SLC4A4: variants seen among roughly 807,000 people sequenced by gnomAD.
SLC4A4 encodes electrogenic sodium bicarbonate cotransporter 1.
SLC4A4 carries 27 observed loss-of-function variants against 111.5 expected under a neutral mutation model. That is an observed-to-expected ratio of 0.24 (90% confidence interval 0.18 to 0.33). The LOEUF is 0.33. Among genes scored for constraint, SLC4A4 ranks in the 10% least tolerant of loss-of-function variants. The probability of loss-of-function intolerance (pLI) is 1.00; values close to 1 mark genes in which losing one functional copy is unlikely to be tolerated. For synonymous variants in SLC4A4, 443 were observed against 463.4 expected, an observed-to-expected ratio of 0.96 and a Z score of 0.57; for missense variants, 909 against 1,315.5, an observed-to-expected ratio of 0.69 and a Z score of 4.78.
intron 4 of SLC4A4, among the ~76,000 whole-genome samples, chr4:71,344,702 A>G (rs74956020): frequency 0.019 from 2,881 of 152,152 alleles, 52 homozygotes; most frequent in Non-Finnish European, 0.027. Context: ...TAAGACCTAT[A>G]CTTTTCAGTT....
In SLC4A4 at chr4:71,086,785, T is replaced by C. The variant is rs995949230; in HGVS notation, c.-64-5945T>C. 5.3e-5 allele frequency among the ~76,000 whole-genome samples: 8 copies of C among 152,110 alleles called. 1 individual carries two copies. Among genetic ancestry groups the C allele is most frequent in the African/African-American group, 1.9e-4 (8 of 41,334 alleles). On this transcript the variant is annotated intron_variant, in intron 1 of 26. Coordinates refer to the SLC4A4 transcript ENST00000649996. ...TGATCGTGGTAGATAAGCTTCTTGA[T>C]GGGCTGCTGGATTCGGTTTGCCAGT...
intron 16 of SLC4A4, among the ~76,000 whole-genome samples, chr4:71,527,565 G>C (rs771896775): frequency 2.0e-5 from 3 of 151,952 alleles, no homozygotes; most frequent in Non-Finnish European, 4.4e-5. Flanking sequence ...AGTTTGAGAT[G>C]CCTGGTAGTG....
chr4:71,432,621 C>A (rs980676731), intron 7 of SLC4A4, among the ~76,000 whole-genome samples: 1 of 151,882 alleles, frequency 6.6e-6, no homozygotes, highest in Non-Finnish European at 1.5e-5. Flanking sequence ...GATATATATA[C>A]CTTCTCTTTG....
At chr4:71,186,615 G>GC (rs901939289), upstream of SLC4A4, 5 of 151,518 alleles carry the variant, frequency 3.3e-5, no homozygotes, top group African/African-American at 1.2e-4. Context: ...GCGGCTCGAG[G>GC]CCCCTCCCCG....
chr4:71,380,324 A>G (rs1180125274), intron 6 of SLC4A4, among the ~76,000 whole-genome samples: 3 of 152,074 alleles, frequency 2.0e-5, no homozygotes, highest in South Asian at 4.1e-4. Flanking sequence ...AGCATCACTC[A>G]CTCCTTATTA....
intron 2 of SLC4A4, among the ~76,000 whole-genome samples, chr4:71,097,278 G>C (rs774907957): frequency 4.6e-5 from 7 of 152,070 alleles, no homozygotes; most frequent in Middle Eastern, 3.2e-3. Context: ...CGTGGTATTT[G>C]GTGTTTTTGT....
chr4:71,541,205 T>C (rs1391383084), intron 18 of SLC4A4, among the ~76,000 whole-genome samples: 2 of 152,136 alleles, frequency 1.3e-5, no homozygotes, highest in African/African-American at 4.8e-5. Context: ...GTTTAGTTTT[T>C]CATTCTAAGT....
At chr4:71,135,198 T>C (rs1479708079) in intron 2 of SLC4A4, among the ~76,000 whole-genome samples, 1 of 152,146 alleles carries the variant, frequency 6.6e-6, no homozygotes, top group Non-Finnish European at 1.5e-5. Flanking sequence ...ATGTACAATA[T>C]GATGTTTTGA....
chr4:71,071,883 T>C (rs550204230), intron 1 of SLC4A4, among the ~76,000 whole-genome samples: 2 of 152,332 alleles, frequency 1.3e-5, no homozygotes, highest in African/African-American at 4.8e-5. Flanking sequence ...TATGTGTCAA[T>C]AGATGTATGA....
Position 71,419,428 on chromosome 4 carries a change from G to A in SLC4A4, c.808-21188G>A, listed in dbSNP as rs539037205. 2.1e-3 allele frequency among the ~76,000 whole-genome samples: 318 copies of A among 152,324 alleles called. 1 individual carries two copies. The highest frequency in any genetic ancestry group is 7.0e-3 in the African/African-American group (292 of 41,582). On this transcript the variant is annotated intron_variant, in intron 7 of 25. Transcript: ENST00000264485. The stretch of plus-strand genomic sequence containing the variant: ...GCGCCCCTCCCCCAGCCTCACTGCC[G>A]CCTTGCAGTTTGATCTCAGACTGCT...
At chr4:71,516,598 G>A (rs1349560221) in intron 16 of SLC4A4, among the ~76,000 whole-genome samples, 1 of 152,194 alleles carries the variant, frequency 6.6e-6, no homozygotes, top group Non-Finnish European at 1.5e-5. Context: ...GCTAATGTCA[G>A]TGTTCATGTG....
chr4:71,367,818 A>G (rs1208611874), intron 6 of SLC4A4, among the ~76,000 whole-genome samples: 1 of 152,212 alleles, frequency 6.6e-6, no homozygotes, highest in Non-Finnish European at 1.5e-5. Flanking sequence ...ATTGACAAAA[A>G]TGTTTCTCGA....
At chr4:71,480,946 C>T (rs1008817558) in intron 14 of SLC4A4, among the ~76,000 whole-genome samples, 1 of 151,728 alleles carries the variant, frequency 6.6e-6, no homozygotes, top group African/African-American at 2.4e-5. Flanking sequence ...TGACATTCAT[C>T]CCAGGGACAA....
intron 6 of SLC4A4, among the ~76,000 whole-genome samples, chr4:71,375,286 T>G (rs1354177650): frequency 6.6e-6 from 1 of 152,178 alleles, no homozygotes; most frequent in African/African-American, 2.4e-5. Context: ...AATGCTTGAG[T>G]CTGGCATTCA....
In SLC4A4 at chr4:71,069,900, G is replaced by A. The variant is rs573552307; in HGVS notation, c.-65+7112G>A. ...TGAATAAAATTAGTTTTTTTTTAGA[G>A]TTGATATTATGCTTTCCAAATGTCT... On this transcript the variant is annotated intron_variant, in intron 1 of 26. Transcript: ENST00000649996. Among the ~76,000 whole-genome samples, 5 of 152,120 alleles carry A rather than the reference G, an allele frequency of 3.3e-5. No homozygotes were observed. In the East Asian group the frequency reaches 9.7e-4, roughly 29 times the overall value.
At position 71,372,046 on chromosome 4, in the gene SLC4A4, T is replaced by G. The variant is rs563563977; in HGVS notation, c.730+14859T>G. On this transcript the variant is annotated intron_variant, in intron 6 of 25. Coordinates refer to ENST00000264485, the MANE Select transcript of SLC4A4 (RefSeq NM_001098484.3). Reference sequence around the variant, plus strand: ...TATCAATTTATTCTAATTGTTAACATGGACTTAAAAAACTGCCAGAATATT... The same window carrying G: ...TATCAATTTATTCTAATTGTTAACAGGGACTTAAAAAACTGCCAGAATATT... 1.9e-4 allele frequency among the ~76,000 whole-genome samples: 29 copies of G among 152,360 alleles called. No homozygotes were observed. The East Asian group carries it at 5.4e-3, about 28-fold the overall frequency.
chr4:71,202,079 G>A (rs1400483409), intron 1 of SLC4A4, among the ~76,000 whole-genome samples: 3 of 152,040 alleles, frequency 2.0e-5, no homozygotes, highest in African/African-American at 7.3e-5. Context: ...TCGAAGTGTT[G>A]GTCTTCAACT....
chr4:71,332,727 C>G (rs369084895), intron 3 of SLC4A4, among the ~76,000 whole-genome samples: 2 of 152,196 alleles, frequency 1.3e-5, no homozygotes, highest in Admixed American at 1.3e-4. Context: ...CCACCGCGCC[C>G]GGCCGACTGT....
At chr4:71,547,018 G>C (rs943574302) in intron 19 of SLC4A4, among the ~76,000 whole-genome samples, 2 of 151,958 alleles carry the variant, frequency 1.3e-5, no homozygotes, top group African/African-American at 4.8e-5. Flanking sequence ...ACTCTGTTGA[G>C]CACTTTTTAC....
Sources: allele counts gnomAD v4.1 joint callset (sites outside exome capture counted in the v4.1 genomes callset), GRCh38; gene constraint gnomAD v4.1.1; transcripts MANE v1.5; gene names NCBI Gene and HGNC (gene_info 2026-07-23, HGNC 2026-07-21).